CYP7B1: variants seen among roughly 807,000 people sequenced by gnomAD.
CYP7B1 encodes the protein cytochrome P450 7B1.
Under a neutral mutation model 42.7 loss-of-function variants are expected in CYP7B1, and 29 were observed. The observed-to-expected ratio is 0.68, with a 90% CI of 0.51 to 0.93. CYP7B1 has a LOEUF of 0.93. Among genes scored for constraint, CYP7B1 ranks in the 40% least tolerant of loss-of-function variants. CYP7B1 has a pLI of 0.00. For missense variants in CYP7B1, 655 were observed against 600.5 expected (o/e 1.09, Z -0.95); for synonymous variants, 235 against 218.2 (o/e 1.08, Z -0.68).
At chr8:64,694,947 T>C (rs983488405) in intron 1 of CYP7B1, among the ~76,000 whole-genome samples, 2 of 152,214 alleles carry the variant, frequency 1.3e-5, no homozygotes, top group African/African-American at 2.4e-5. Flanking sequence ...TCTGAGTACA[T>C]GGGTAACGAG....
chr8:64,713,521 G>A (rs930164262), intron 1 of CYP7B1, among the ~76,000 whole-genome samples: 3 of 151,678 alleles, frequency 2.0e-5, no homozygotes, highest in African/African-American at 7.3e-5. Context: ...AGAAAGAAAT[G>A]GAAGATACAA....
chr8:64,746,411 T>A (rs1807643881), intron 1 of CYP7B1, among the ~76,000 whole-genome samples: 1 of 152,210 alleles, frequency 6.6e-6, no homozygotes, highest in Non-Finnish European at 1.5e-5. Context: ...GGCACTGTCA[T>A]TCCTGCATGC....
intron 1 of CYP7B1, among the ~76,000 whole-genome samples, chr8:64,752,793 AATTCATAAAG>A (rs1807748648): frequency 6.6e-6 from 1 of 152,324 alleles, no homozygotes; most frequent in East Asian, 1.9e-4. Context: ...TTTCTCTTGC[AATTCATAAAG>A]AAAGTGCAAT....
intron 1 of CYP7B1, among the ~76,000 whole-genome samples, chr8:64,716,955 A>G (rs995126205): frequency 7.2e-5 from 11 of 152,142 alleles, no homozygotes; most frequent in African/African-American, 2.7e-4. Context: ...CTATTTTTCT[A>G]TGACTTTTGC....
At chr8:64,797,698 T>A (rs1052519770) in intron 1 of CYP7B1, among the ~76,000 whole-genome samples, 4 of 152,142 alleles carry the variant, frequency 2.6e-5, no homozygotes, top group Non-Finnish European at 4.4e-5. Flanking sequence ...ATATATCAAT[T>A]ATCATCCAAC....
intron 1 of CYP7B1, among the ~76,000 whole-genome samples, chr8:64,698,606 T>C (rs1053603592): frequency 6.6e-6 from 1 of 152,138 alleles, no homozygotes; most frequent in Non-Finnish European, 1.5e-5. Flanking sequence ...ATATTCAATA[T>C]GCGAGATGAT....
At chr8:64,604,628 G>T in intron 5 of CYP7B1, 54 bp downstream of exon 5, 1 of 1,602,678 alleles carries the variant, frequency 6.2e-7, no homozygotes. Flanking sequence ...GATGGAAGAG[G>T]AATGTGCCCA....
At chr8:64,649,134 C>T (rs1282660152) in intron 1 of CYP7B1, among the ~76,000 whole-genome samples, 3 of 152,150 alleles carry the variant, frequency 2.0e-5, no homozygotes, top group Non-Finnish European at 4.4e-5. Flanking sequence ...ACCTTTTAAT[C>T]GGTTCCCCTC....
At chr8:64,730,174 G>T (rs1807386996) in intron 1 of CYP7B1, among the ~76,000 whole-genome samples, 1 of 152,042 alleles carries the variant, frequency 6.6e-6, no homozygotes, top group Non-Finnish European at 1.5e-5. Context: ...CAGTTCTCCT[G>T]CCTCAGCCTC....
intron 1 of CYP7B1, among the ~76,000 whole-genome samples, chr8:64,773,508 T>C (rs954608616): frequency 6.6e-6 from 1 of 152,182 alleles, no homozygotes; most frequent in Non-Finnish European, 1.5e-5. Context: ...AAAATAACAG[T>C]ACAACAGGGT....
chr8:64,758,723 T>C (rs1441236738), intron 1 of CYP7B1, among the ~76,000 whole-genome samples: 1 of 152,132 alleles, frequency 6.6e-6, no homozygotes, highest in South Asian at 2.1e-4. Flanking sequence ...AGATGTTACA[T>C]CTGTAAAAAG....
intron 1 of CYP7B1, among the ~76,000 whole-genome samples, chr8:64,666,099 C>T (rs1454153297): frequency 6.6e-6 from 1 of 152,154 alleles, no homozygotes; most frequent in Non-Finnish European, 1.5e-5. Flanking sequence ...TAAGTATTGG[C>T]ACTATGGTTA....
At chr8:64,739,985 A>C (rs1271685349) in intron 1 of CYP7B1, among the ~76,000 whole-genome samples, 1 of 152,146 alleles carries the variant, frequency 6.6e-6, no homozygotes. Flanking sequence ...CAGGGAATTC[A>C]TCACTAGACA....
rs1292620516 is a variant in CYP7B1, at chr8:64,594,350, A to G, written c.*2292T>C. Among the ~76,000 whole-genome samples, 6 of 152,180 alleles carry G rather than the reference A, an allele frequency of 3.9e-5. No homozygotes were observed. The highest frequency in any genetic ancestry group is 3.3e-4 in the Admixed American group (5 of 15,286). On this transcript the variant is annotated 3_prime_UTR_variant, in exon 6 of 6. Transcript: ENST00000310193. ...GAAGCAATAGATTAAATATAGTAGT[A>G]TACTATGTATATACTACAGAAATAT...
At chr8:64,698,121 TC>T (rs1032172827) in intron 1 of CYP7B1, among the ~76,000 whole-genome samples, 4 of 152,150 alleles carry the variant, frequency 2.6e-5, no homozygotes, top group African/African-American at 9.7e-5. Context: ...TTTTTTAAAG[TC>T]CTAACACATG....
intron 1 of CYP7B1, among the ~76,000 whole-genome samples, chr8:64,742,112 C>T (rs1020049486): frequency 4.6e-5 from 7 of 152,164 alleles, no homozygotes; most frequent in Admixed American, 3.9e-4. Context: ...TCTGTTCAAA[C>T]AAATGGAATT....
chr8:64,665,459 A>G (rs1806260099), intron 1 of CYP7B1, among the ~76,000 whole-genome samples: 1 of 151,296 alleles, frequency 6.6e-6, no homozygotes, highest in African/African-American at 2.4e-5. Flanking sequence ...ACACTTAACG[A>G]GCTACATAAA....
intron 1 of CYP7B1, among the ~76,000 whole-genome samples, chr8:64,755,168 T>C (rs752416869): frequency 6.6e-6 from 1 of 152,140 alleles, no homozygotes; most frequent in African/African-American, 2.4e-5. Flanking sequence ...TGTGTGCATA[T>C]GTGTGTGTGC....
At chr8:64,788,050 A>T (rs1804557545) in intron 1 of CYP7B1, among the ~76,000 whole-genome samples, 1 of 152,196 alleles carries the variant, frequency 6.6e-6, no homozygotes, top group Non-Finnish European at 1.5e-5. Flanking sequence ...CTCATGACAC[A>T]TGGGGATTAT....
Sources: allele counts gnomAD v4.1 joint callset (sites outside exome capture counted in the v4.1 genomes callset), GRCh38; gene constraint gnomAD v4.1.1; transcripts MANE v1.5; gene names NCBI Gene and HGNC (gene_info 2026-07-23, HGNC 2026-07-21).